PDE4B: variants seen among roughly 807,000 people sequenced by gnomAD.
PDE4B encodes the protein phosphodiesterase 4B, also known as 3',5'-cyclic-AMP phosphodiesterase 4B.
In PDE4B, 20 loss-of-function variants were observed where a neutral mutation model predicts 82.2. The observed-to-expected ratio is 0.24, with a 90% CI of 0.17 to 0.35. The LOEUF is 0.35. Among genes scored for constraint, PDE4B ranks in the 10% least tolerant of loss-of-function variants. The pLI, the probability that PDE4B is intolerant of heterozygous loss-of-function variation, is 1.00. For synonymous variants in PDE4B, 320 were observed against 318.9 expected (o/e 1.00, Z -0.04); for missense variants, 655 against 907.2 (o/e 0.72, Z 3.57).
chr1:66,333,671 A>G (rs1303066016), intron 8 of PDE4B, among the ~76,000 whole-genome samples: 3 of 152,112 alleles, frequency 2.0e-5, no homozygotes, highest in Non-Finnish European at 2.9e-5. Context: ...TCCCTTCTCC[A>G]GCTTTCCTGG....
chr1:66,341,769 CT>C (rs1661002707), intron 8 of PDE4B, among the ~76,000 whole-genome samples: 2 of 152,194 alleles, frequency 1.3e-5, no homozygotes, highest in Non-Finnish European at 2.9e-5. Flanking sequence ...CTCTCTGCCA[CT>C]TTGCAGAGCT....
chr1:65,799,210 A>G (rs927088277), intron 1 of PDE4B, among the ~76,000 whole-genome samples: 1 of 152,158 alleles, frequency 6.6e-6, no homozygotes, highest in African/African-American at 2.4e-5. Flanking sequence ...ATTTTAGAAA[A>G]CTGACATGTT....
chr1:66,195,453 G>A lies in PDE4B; in HGVS notation c.282-52007G>A, dbSNP rs140231841. ...CAGCCAAAGGGCCAGAGGAATACAC[G>A]GACTTAAAAAGCAGTGTTTATGAAT... On this transcript the variant is annotated intron_variant, in intron 3 of 16. Coordinates refer to ENST00000341517, the MANE Select transcript of PDE4B (RefSeq NM_002600.4). Among the ~76,000 whole-genome samples the A allele has an allele frequency of 2.3e-3, 347 of 152,188 alleles. 2 individuals are homozygous for A. Among genetic ancestry groups the A allele is most frequent in the Admixed American group, 6.1e-3 (93 of 15,274 alleles).
At chr1:66,101,017 T>A (rs1262755099) in intron 3 of PDE4B, among the ~76,000 whole-genome samples, 1 of 152,088 alleles carries the variant, frequency 6.6e-6, no homozygotes, top group Non-Finnish European at 1.5e-5. Context: ...GTGTGTGATG[T>A]TCCCCTTCCA....
intron 7 of PDE4B, among the ~76,000 whole-genome samples, chr1:66,305,350 G>A (rs1658193825): frequency 6.6e-6 from 1 of 152,126 alleles, no homozygotes. Flanking sequence ...GACTCATAGA[G>A]ATATGAAAAA....
chr1:65,951,602 A>C (rs944067294), intron 3 of PDE4B, among the ~76,000 whole-genome samples: 1 of 152,100 alleles, frequency 6.6e-6, no homozygotes, highest in Admixed American at 6.6e-5. Context: ...AACTCTGAGC[A>C]TACTGCTGAG....
intron 7 of PDE4B, among the ~76,000 whole-genome samples, chr1:66,294,192 C>G (rs1205645916): frequency 2.6e-5 from 4 of 151,904 alleles, no homozygotes; most frequent in Admixed American, 2.6e-4. Flanking sequence ...GGTGACACAG[C>G]AATACTCCGT....
intron 3 of PDE4B, among the ~76,000 whole-genome samples, chr1:66,095,372 A>G (rs535108855): frequency 1.4e-4 from 22 of 152,048 alleles, no homozygotes; most frequent in African/African-American, 5.1e-4. Flanking sequence ...AGCATTGAGT[A>G]TGTATGAGGC....
chr1:66,138,631 G>A (rs1187758661), intron 3 of PDE4B, among the ~76,000 whole-genome samples: 1 of 152,220 alleles, frequency 6.6e-6, no homozygotes, highest in Admixed American at 6.5e-5. Flanking sequence ...TAGATTGTCT[G>A]ACAGGTAGGA....
intron 3 of PDE4B, among the ~76,000 whole-genome samples, chr1:66,135,412 G>A (rs955688424): frequency 9.9e-5 from 15 of 152,268 alleles, no homozygotes; most frequent in Admixed American, 2.6e-4. Flanking sequence ...AGTCAGTCTC[G>A]CCATCAGGGG....
At chr1:66,365,820 A>AC (rs1663202693) in intron 13 of PDE4B, 54 bp downstream of exon 13, 2 of 985,092 alleles carry the variant, frequency 2.0e-6, no homozygotes, top group Non-Finnish European at 3.1e-6. Context: ...TCACTGCTTA[A>AC]TTTTTTTCCT....
intron 8 of PDE4B, among the ~76,000 whole-genome samples, chr1:66,338,005 T>C (rs1660659702): frequency 6.6e-6 from 1 of 152,218 alleles, no homozygotes; most frequent in South Asian, 2.1e-4. Context: ...AACAAAATAA[T>C]TGGAAAAGAC....
intron 1 of PDE4B, among the ~76,000 whole-genome samples, chr1:65,830,320 C>G (rs952083537): frequency 6.6e-6 from 1 of 152,070 alleles, no homozygotes; most frequent in Admixed American, 6.6e-5. Context: ...ATATTGTCTC[C>G]TCTAGGGGGT....
intron 3 of PDE4B, among the ~76,000 whole-genome samples, chr1:65,988,885 A>G (rs1025560947): frequency 1.3e-5 from 2 of 152,298 alleles, no homozygotes; most frequent in South Asian, 4.1e-4. Flanking sequence ...TTTGAAGGAT[A>G]TTGAATATAA....
In PDE4B at chr1:66,372,463, G is replaced by A. The variant is rs149588422; in HGVS notation, c.1996G>A (p.Glu666Lys). Reference protein sequence around the residue: ...IPQSPSPPLDEQNRDCQGLME... With the variant: ...IPQSPSPPLDKQNRDCQGLME... The stretch of plus-strand genomic sequence containing the variant: ...TCAAAGTCCCTCACCACCACTGGAC[G>A]AGCAGAACAGGGACTGCCAGGGTCT... Residue 666 changes from glutamate (E) to lysine (K), a missense_variant, in exon 17 of 17, where the codon GAG becomes AAG. By Grantham distance (56) the Glu-to-Lys change is moderately conservative. This residue lies in a region of PDE4B where 119 missense variants were observed against 115.2 expected (regional missense o/e 1.03). Transcript: ENST00000341517. The A allele has an allele frequency of 6.8e-6, 11 of 1,613,974 alleles. No individual in the cohort carries two copies. The highest frequency in any genetic ancestry group is 6.7e-5 in the Admixed American group (4 of 59,986).
intron 3 of PDE4B, among the ~76,000 whole-genome samples, chr1:66,174,639 C>T (rs1409719640): frequency 2.6e-5 from 4 of 151,944 alleles, no homozygotes; most frequent in Non-Finnish European, 5.9e-5. Context: ...GCCTGTAATC[C>T]CAGCTACTCA....
intron 3 of PDE4B, among the ~76,000 whole-genome samples, chr1:66,228,952 ACCTAT>A (rs1651697409): frequency 7.7e-6 from 1 of 129,530 alleles, no homozygotes; most frequent in East Asian, 5.0e-4. Context: ...GCTATTTTTA[ACCTAT>A]AAAATGGCAA....
At chr1:66,139,752 AC>A (rs141877305) in intron 3 of PDE4B, among the ~76,000 whole-genome samples, 20,932 of 122,664 alleles carry the variant, frequency 0.17, 1,341 homozygotes, top group Non-Finnish European at 0.18. Context: ...AAAAAAAAAA[AC>A]AAAAAACAAC....
At chr1:66,044,870 C>T (rs1449548886) in intron 3 of PDE4B, among the ~76,000 whole-genome samples, 2 of 151,686 alleles carry the variant, frequency 1.3e-5, no homozygotes, top group Non-Finnish European at 2.9e-5. Flanking sequence ...ACATCAGCTA[C>T]TGAGTTACTC....
Sources: allele counts gnomAD v4.1 joint callset (sites outside exome capture counted in the v4.1 genomes callset), GRCh38; gene constraint gnomAD v4.1.1; regional missense constraint gnomAD v4.1.1; transcripts MANE v1.5; gene names NCBI Gene and HGNC (gene_info 2026-07-23, HGNC 2026-07-21).